The following RPS6KA5 variants were observed in gnomAD, a reference collection of about 807,000 sequenced individuals.
The protein encoded by RPS6KA5 is ribosomal protein S6 kinase alpha-5.
Under a neutral mutation model 85.5 loss-of-function variants are expected in RPS6KA5, and 27 were observed. That is an observed-to-expected ratio of 0.32 (90% confidence interval 0.23 to 0.44). The LOEUF (loss-of-function observed/expected upper bound fraction) is 0.44. RPS6KA5 is among the 20% of genes least tolerant of loss of function. RPS6KA5 has a pLI of 1.00. For synonymous variants in RPS6KA5, 334 were observed against 348.2 expected, an observed-to-expected ratio of 0.96 and a Z score of 0.46; for missense variants, 811 against 980.9, an observed-to-expected ratio of 0.83 and a Z score of 2.31.
At chr14:90,998,007 G>GAAAAAAA (rs58227226) in intron 2 of RPS6KA5, among the ~76,000 whole-genome samples, 1 of 59,900 alleles carries the variant, frequency 1.7e-5, no homozygotes, top group Non-Finnish European at 3.0e-5. Context: ...GACTCTGTCT[G>GAAAAAAA]AAAAAAAAAA....
chr14:90,899,302 GAAA>G (rs11380703), intron 12 of RPS6KA5, 24 bp downstream of exon 12: 25,027 of 1,262,918 alleles, frequency 0.02, 75 homozygotes, highest in South Asian at 0.034. Context: ...GTACACATGG[GAAA>G]AAAAAAAAAA....
At chr14:90,994,113 G>A (rs1384847774) in intron 2 of RPS6KA5, among the ~76,000 whole-genome samples, 3 of 152,040 alleles carry the variant, frequency 2.0e-5, no homozygotes, top group African/African-American at 4.8e-5. Flanking sequence ...GACAGATGGG[G>A]ATTCTCCCAC....
intron 2 of RPS6KA5, among the ~76,000 whole-genome samples, chr14:90,984,549 A>T (rs1437890947): frequency 6.6e-6 from 1 of 152,244 alleles, no homozygotes; most frequent in African/African-American, 2.4e-5. Flanking sequence ...CCTGATGTAG[A>T]CAGCAAAACG....
intron 7 of RPS6KA5, among the ~76,000 whole-genome samples, chr14:90,914,215 C>A (rs897846404): frequency 6.6e-6 from 1 of 151,560 alleles, no homozygotes; most frequent in Admixed American, 6.6e-5. Flanking sequence ...AGGGCCAGGT[C>A]TCCGGTGAGA....
At chr14:90,947,387 T>C (rs1268621558) in intron 4 of RPS6KA5, 48 bp downstream of exon 4, 1 of 991,958 alleles carries the variant, frequency 1.0e-6, no homozygotes, top group Non-Finnish European at 1.6e-6. Flanking sequence ...CATTATTACC[T>C]TAGTTAACAG....
chr14:90,909,094 T>C (rs1777670740), intron 7 of RPS6KA5, among the ~76,000 whole-genome samples: 1 of 152,220 alleles, frequency 6.6e-6, no homozygotes, highest in Non-Finnish European at 1.5e-5. Context: ...TTGTGACATG[T>C]GAGTGTGAAC....
At chr14:90,935,135 G>A (rs921192685) in intron 5 of RPS6KA5, among the ~76,000 whole-genome samples, 2 of 152,088 alleles carry the variant, frequency 1.3e-5, no homozygotes, top group Non-Finnish European at 1.5e-5. Context: ...TAAAAAGCTG[G>A]TTTAGGGTTA....
rs191841218 is a variant in RPS6KA5, at chr14:90,969,321, G to C, written c.394+8985C>G. ...CTTTCTAAGTACATACTGTTGCACAGTTTCAGGCTGCTCGTCTTTGCACAT... is the reference window on the plus strand; with the variant it reads ...CTTTCTAAGTACATACTGTTGCACACTTTCAGGCTGCTCGTCTTTGCACAT... On this transcript the variant is annotated intron_variant, in intron 3 of 16. Transcript: ENST00000614987. 4.7e-4 allele frequency among the ~76,000 whole-genome samples: 72 copies of C among 152,292 alleles called. 1 individual carries two copies. Among genetic ancestry groups the C allele is most frequent in the African/African-American group, 1.7e-3 (70 of 41,548 alleles).
chr14:91,007,478 A>G (rs2041070239), intron 1 of RPS6KA5, among the ~76,000 whole-genome samples: 1 of 152,226 alleles, frequency 6.6e-6, no homozygotes, highest in African/African-American at 2.4e-5. Context: ...GTTGTGAATC[A>G]GCTTAAACCA....
intron 3 of RPS6KA5, among the ~76,000 whole-genome samples, chr14:90,978,042 C>T (rs2039640012): frequency 6.6e-6 from 1 of 151,800 alleles, no homozygotes; most frequent in Non-Finnish European, 1.5e-5. Flanking sequence ...GTGACAGAGC[C>T]AGACTCTGCC....
chr14:90,878,194 T>C (rs1242280782), intron 14 of RPS6KA5, among the ~76,000 whole-genome samples: 6 of 152,198 alleles, frequency 3.9e-5, no homozygotes, highest in African/African-American at 1.4e-4. Context: ...CCCTGAACCT[T>C]GCGTAGTGCC....
intron 4 of RPS6KA5, among the ~76,000 whole-genome samples, chr14:90,945,957 T>G (rs2037849686): frequency 6.6e-6 from 1 of 152,164 alleles, no homozygotes; most frequent in Admixed American, 6.5e-5. Context: ...TGAGCCAAGA[T>G]TGCACCACTA....
intron 7 of RPS6KA5, among the ~76,000 whole-genome samples, chr14:90,911,814 C>T (rs1413007905): frequency 2.0e-5 from 3 of 152,088 alleles, no homozygotes; most frequent in Non-Finnish European, 2.9e-5. Context: ...TATGTCTCTG[C>T]GTGTTATTAT....
intron 4 of RPS6KA5, among the ~76,000 whole-genome samples, chr14:90,945,807 A>G (rs1277356063): frequency 6.6e-6 from 1 of 152,176 alleles, no homozygotes; most frequent in Admixed American, 6.5e-5. Context: ...GTTCAACACC[A>G]ACCTAGGCAA....
rs1364145925 is a variant in RPS6KA5, at chr14:90,858,269, C to T, written c.*13805G>A. 1.3e-5 allele frequency: 2 copies of T among 152,010 alleles called. No homozygotes were observed. 9.4% of individuals were successfully genotyped at this position (152,010 alleles called of 1,614,324 possible). ...AACTGTTCTTGATGTTATTTCTAAA[C>T]AGATCTAGTATCAGAAGCATCTGAA... On this transcript the variant is annotated 3_prime_UTR_variant, in exon 17 of 17. Transcript: ENST00000614987.
chr14:90,872,192 T>C lies in RPS6KA5; in HGVS notation c.2291A>G (p.His764Arg). ...ACCGTGAGAATGAGAGGAAGAAGAATGGGAACTCTCACTGGAACTGCTGCG... is the reference window on the plus strand; with the variant it reads ...ACCGTGAGAATGAGAGGAAGAAGAACGGGAACTCTCACTGGAACTGCTGCG... Reference protein sequence around the residue: ...ETRSSSSESSHSSSSHSHGKT... With the variant: ...ETRSSSSESSRSSSSHSHGKT... The change falls in exon 17 of 17, where the codon CAT (histidine) becomes CGT (arginine). Residue 764 changes from histidine to arginine, a missense_variant. By Grantham distance (29) the His-to-Arg change is conservative. This residue lies in a region of RPS6KA5 where 650 missense variants were observed against 793.4 expected (regional missense o/e 0.82). Coordinates refer to ENST00000614987, the MANE Select transcript of RPS6KA5 (RefSeq NM_004755.4). The C allele has an allele frequency of 1.9e-6, 3 of 1,613,732 alleles. No individual in the cohort carries two copies. The highest frequency in any genetic ancestry group is 2.5e-6 in the Non-Finnish European group (3 of 1,179,930).
At chr14:91,038,437 G>T (rs1487307473) in intron 1 of RPS6KA5, among the ~76,000 whole-genome samples, 1 of 152,182 alleles carries the variant, frequency 6.6e-6, no homozygotes, top group East Asian at 1.9e-4. Context: ...AGAATAGACT[G>T]GAATCCCAAA....
chr14:90,945,093 A>G (rs949876235), intron 4 of RPS6KA5, among the ~76,000 whole-genome samples: 20 of 151,426 alleles, frequency 1.3e-4, no homozygotes, highest in Non-Finnish European at 2.8e-4. Flanking sequence ...CTCTACAAAA[A>G]ATACAAAAAT....
At chr14:90,987,934 G>C (rs1005669788) in intron 2 of RPS6KA5, among the ~76,000 whole-genome samples, 1 of 151,980 alleles carries the variant, frequency 6.6e-6, no homozygotes, top group Non-Finnish European at 1.5e-5. Context: ...CCATTTACAA[G>C]GTTCTATGTT....
Sources: allele counts gnomAD v4.1 joint callset (sites outside exome capture counted in the v4.1 genomes callset), GRCh38; gene constraint gnomAD v4.1.1; regional missense constraint gnomAD v4.1.1; transcripts MANE v1.5; gene names NCBI Gene and HGNC (gene_info 2026-07-23, HGNC 2026-07-21).